The following RECQL variants were observed in gnomAD, a reference collection of about 807,000 sequenced individuals.
The protein encoded by RECQL is ATP-dependent DNA helicase Q1.
A neutral mutation model predicts 75.8 loss-of-function variants in RECQL; 73 were observed. The observed-to-expected ratio is 0.96, with a 90% confidence interval of 0.80 to 1.17. RECQL has a LOEUF of 1.17. Among genes scored for constraint, RECQL ranks in the 50% most tolerant of loss-of-function variants. The probability of loss-of-function intolerance (pLI) is 0.00; values close to 1 mark genes in which losing one functional copy is unlikely to be tolerated. For synonymous variants in RECQL, 248 were observed against 254.4 expected (o/e 0.97, Z 0.24); for missense variants, 699 against 772.1 (o/e 0.91, Z 1.12).
intron 5 of RECQL, among the ~76,000 whole-genome samples, chr12:21,484,478 T>C (rs1943251979): frequency 6.6e-6 from 1 of 152,146 alleles, no homozygotes; most frequent in Non-Finnish European, 1.5e-5. Context: ...TCTCCACAGA[T>C]TGATTTTGTT....
chr12:21,499,242 A>T (rs1287186297), intron 2 of RECQL, among the ~76,000 whole-genome samples: 1 of 152,236 alleles, frequency 6.6e-6, no homozygotes, highest in Non-Finnish European at 1.5e-5. Flanking sequence ...AATAGTGGCT[A>T]TCAGGGATTA....
At chr12:21,499,483 C>A in intron 2 of RECQL, 72 bp downstream of exon 2, 6 of 1,360,466 alleles carry the variant, frequency 4.4e-6, no homozygotes, top group African/African-American at 1.5e-5. Context: ...ATTTTTAAAA[C>A]AAACTTTTTC....
At chr12:21,484,789 T>C (rs1404046560) in intron 5 of RECQL, among the ~76,000 whole-genome samples, 3 of 151,954 alleles carry the variant, frequency 2.0e-5, no homozygotes, top group Non-Finnish European at 4.4e-5. Context: ...AGGTGAATCA[T>C]ATTATACGTC....
At chr12:21,499,012 G>A (rs1943557067) in intron 2 of RECQL, among the ~76,000 whole-genome samples, 1 of 152,182 alleles carries the variant, frequency 6.6e-6, no homozygotes, top group Non-Finnish European at 1.5e-5. Context: ...TCAGCAAGAA[G>A]AGAAATGAGC....
intron 4 of RECQL, among the ~76,000 whole-genome samples, chr12:21,488,230 C>A (rs958897093): frequency 1.3e-5 from 2 of 152,204 alleles, no homozygotes. Context: ...TAACAGACAT[C>A]ACTATTAACT....
intron 2 of RECQL, among the ~76,000 whole-genome samples, chr12:21,498,208 G>T (rs1943543551): frequency 6.6e-6 from 1 of 152,152 alleles, no homozygotes; most frequent in African/African-American, 2.4e-5. Flanking sequence ...GAAAATAATG[G>T]AGTGGCATTT....
rs1416957360 is a variant in RECQL, at chr12:21,501,626, G to A, written c.-502C>T. On this transcript the variant is annotated 5_prime_UTR_variant, in exon 1 of 15. Coordinates refer to ENST00000444129, the MANE Select transcript of RECQL (RefSeq NM_002907.4). ...TAAAATCTTCCCGCCAGCCAGCTGA[G>A]AGCATCCACCCTTCCGGGTCGGTCC... 2 of 427,516 alleles carry A rather than the reference G, an allele frequency of 4.7e-6. No homozygotes were observed. The highest frequency in any genetic ancestry group is 8.5e-6 in the Non-Finnish European group (2 of 235,490). The allele number at this position is 427,516 out of a possible 1,614,324, so 26.5% of individuals were successfully genotyped here. A position where few individuals can be genotyped will look rare whatever the true frequency, so the allele number is the denominator to read the frequency against.
chr12:21,490,921 G>T (rs1276121873), intron 3 of RECQL, among the ~76,000 whole-genome samples: 1 of 152,110 alleles, frequency 6.6e-6, no homozygotes, highest in Admixed American at 6.5e-5. Context: ...AAGAAAGGAA[G>T]GTGTTTGATC....
In RECQL at chr12:21,469,261, C is replaced by A; in HGVS notation, c.*933G>T. 1 of 155,856 alleles carries A rather than the reference C, an allele frequency of 6.4e-6. No individual in the cohort carries two copies. The highest frequency in any genetic ancestry group is 1.4e-5 in the Non-Finnish European group (1 of 70,562). 9.7% of individuals were successfully genotyped at this position (155,856 alleles called of 1,614,324 possible). ...TACTTCTGGTTTTATAACCTGAAAT[C>A]ATCTACAAGCTTGTCCAACTCTAGC... is the stretch of plus-strand genomic sequence containing the variant. On this transcript the variant is annotated 3_prime_UTR_variant, in exon 15 of 15. Coordinates refer to ENST00000444129, the MANE Select transcript of RECQL (RefSeq NM_002907.4).
chr12:21,478,563 G>A (rs946928655), intron 6 of RECQL, among the ~76,000 whole-genome samples: 1 of 152,126 alleles, frequency 6.6e-6, no homozygotes, highest in African/African-American at 2.4e-5. Context: ...AGGAAGAGAC[G>A]AACATCACGC....
intron 11 of RECQL, among the ~76,000 whole-genome samples, chr12:21,474,554 T>G (rs1241916388): frequency 6.6e-6 from 1 of 152,102 alleles, no homozygotes; most frequent in Non-Finnish European, 1.5e-5. Context: ...ATCATGTAAC[T>G]GTACAGCAGT....
intron 5 of RECQL, among the ~76,000 whole-genome samples, chr12:21,485,740 G>C (rs1943282569): frequency 6.6e-6 from 1 of 151,988 alleles, no homozygotes; most frequent in Non-Finnish European, 1.5e-5. Flanking sequence ...AAGGGGTAGG[G>C]AAAACTGGAG....
chr12:21,481,165 T>C (rs904423199), intron 6 of RECQL, among the ~76,000 whole-genome samples: 5 of 152,090 alleles, frequency 3.3e-5, no homozygotes, highest in Non-Finnish European at 7.4e-5. Context: ...GGAAATTGCT[T>C]GGGAGTAGAG....
chr12:21,485,481 G>A (rs566635380), intron 5 of RECQL, among the ~76,000 whole-genome samples: 31 of 151,856 alleles, frequency 2.0e-4, no homozygotes, highest in Middle Eastern at 3.4e-3. Context: ...AAGATATAAA[G>A]AGAACCTATG....
Position 21,499,413 on chromosome 12 carries a change from G to A in RECQL, c.16+142C>T, listed in dbSNP as rs1943564611. On this transcript the variant is annotated intron_variant, in intron 2 of 14. Transcript: ENST00000444129. ...ACTTAATAATGGTTAGCATGGCAAA[G>A]TTTGTAATGTGTATTTTACTTCAAT... 7 of 723,276 alleles carry A rather than the reference G, an allele frequency of 9.7e-6. No homozygotes were observed. The South Asian group carries it at 1.4e-4, about 14-fold the overall frequency. 44.8% of individuals were successfully genotyped at this position (723,276 alleles called of 1,614,324 possible).
chr12:21,501,569 G>A lies in RECQL; in HGVS notation c.-445C>T. ...CGGATCTCCGACACCAAAGCACCCA[G>A]GCCTCGAGCAGATCTTTCCGCTACT... On this transcript the variant is annotated 5_prime_UTR_variant, in exon 1 of 15. Coordinates refer to ENST00000444129, the MANE Select transcript of RECQL (RefSeq NM_002907.4). 1 of 291,616 alleles carries A rather than the reference G, an allele frequency of 3.4e-6. No individual in the cohort carries two copies. Among genetic ancestry groups the A allele is most frequent in the Non-Finnish European group, 6.6e-6 (1 of 151,452 alleles). 18.1% of individuals were successfully genotyped at this position (291,616 alleles called of 1,614,324 possible).
At chr12:21,484,435 ATT>A (rs1446213713) in intron 5 of RECQL, among the ~76,000 whole-genome samples, 3 of 152,142 alleles carry the variant, frequency 2.0e-5, no homozygotes, top group African/African-American at 7.2e-5. Context: ...TTCTTTTTCA[ATT>A]TTAAGAAAGT....
intron 10 of RECQL, 149 bp from the exon 11 acceptor site, chr12:21,475,128 A>G: frequency 1.4e-6 from 1 of 727,036 alleles, no homozygotes; most frequent in Non-Finnish European, 2.2e-6. Context: ...GGGTACCCTC[A>G]AATTAAAAAA....
intron 8 of RECQL, among the ~76,000 whole-genome samples, chr12:21,476,087 A>G (rs967726567): frequency 3.3e-5 from 5 of 152,048 alleles, no homozygotes; most frequent in Non-Finnish European, 5.9e-5. Flanking sequence ...ATCTCCCACT[A>G]AACAGTATTT....
Sources: gnomAD v4.1 joint callset for allele counts (sites outside exome capture counted in the v4.1 genomes callset) on GRCh38, gnomAD v4.1.1 for gene constraint, MANE v1.5 for transcripts, NCBI Gene and HGNC (gene_info 2026-07-23, HGNC 2026-07-21) for gene names.